Variants in MAD1L1 observed in about 807,000 individuals in gnomAD.
MAD1L1 encodes mitotic arrest deficient 1 like 1, also known as mitotic spindle assembly checkpoint protein MAD1.
MAD1L1 carries 95 observed loss-of-function variants against 96.9 expected under a neutral mutation model. That is an observed-to-expected ratio of 0.98 (90% CI 0.83 to 1.16). MAD1L1 has a LOEUF of 1.16. Ranked by LOEUF, MAD1L1 falls within the 50% of genes most tolerant of loss-of-function variation. MAD1L1 has a pLI of 0.00. For missense variants in MAD1L1, 1,007 were observed against 954.4 expected (o/e 1.06, Z -0.73); for synonymous variants, 473 against 396.6 (o/e 1.19, Z -2.29).
At chr7:1,958,209 C>T (rs1488898751) in intron 15 of MAD1L1, among the ~76,000 whole-genome samples, 1 of 152,220 alleles carries the variant, frequency 6.6e-6, no homozygotes, top group African/African-American at 2.4e-5. Context: ...AGGCACAATT[C>T]AGATGAGAAA....
At chr7:1,873,144 G>C (rs995188462) in intron 18 of MAD1L1, among the ~76,000 whole-genome samples, 1 of 152,228 alleles carries the variant, frequency 6.6e-6, no homozygotes, top group Admixed American at 6.5e-5. Context: ...TTCCAATTCT[G>C]GTGCAGCCTC....
intron 17 of MAD1L1, among the ~76,000 whole-genome samples, chr7:1,935,019 G>A (rs540030038): frequency 8.0e-5 from 12 of 150,708 alleles, no homozygotes; most frequent in East Asian, 1.9e-4. Context: ...ACAAGGGAAC[G>A]AACAGACGGG....
chr7:2,094,807 C>G (rs556577211), intron 11 of MAD1L1, among the ~76,000 whole-genome samples: 2 of 152,042 alleles, frequency 1.3e-5, no homozygotes, highest in Admixed American at 1.3e-4. Context: ...AGACCAAACA[C>G]GGCAAAAGTG....
intron 16 of MAD1L1, among the ~76,000 whole-genome samples, chr7:1,951,265 G>A (rs1483410910): frequency 1.3e-5 from 2 of 152,254 alleles, no homozygotes; most frequent in Non-Finnish European, 2.9e-5. Flanking sequence ...TCAGGCAGCA[G>A]GTGCAGGACC....
At chr7:1,934,152 GGTGGCGCCAT>G (rs1789642599) in intron 17 of MAD1L1, among the ~76,000 whole-genome samples, 1 of 152,184 alleles carries the variant, frequency 6.6e-6, no homozygotes, top group African/African-American at 2.4e-5. Context: ...CTCACCTCCT[GGTGGCGCCAT>G]GTGGCGCGGC....
chr7:2,185,820 C>T (rs937587020), intron 10 of MAD1L1, among the ~76,000 whole-genome samples: 1 of 152,220 alleles, frequency 6.6e-6, no homozygotes, highest in African/African-American at 2.4e-5. Context: ...CATTTGTCAT[C>T]TAAGCCACCG....
At chr7:2,193,135 C>G (rs1396119548) in intron 10 of MAD1L1, 1 of 152,348 alleles carries the variant, frequency 6.6e-6, no homozygotes, top group African/African-American at 2.4e-5. Flanking sequence ...GGCAGGGAGG[C>G]TGGAAACCCT....
chr7:1,928,692 T>C (rs1228444976), intron 17 of MAD1L1, among the ~76,000 whole-genome samples: 2 of 152,196 alleles, frequency 1.3e-5, no homozygotes, highest in African/African-American at 4.8e-5. Flanking sequence ...TGCACGGTGT[T>C]TGTACTGAGC....
In MAD1L1 at chr7:1,874,411, C is replaced by T. The variant is rs1785268950; in HGVS notation, c.1998+23789G>A. On this transcript the variant is annotated intron_variant, in intron 18 of 18. Coordinates refer to ENST00000265854, the MANE Select transcript of MAD1L1 (RefSeq NM_001013836.2). ...ACCGGGACGGGGGTAAGACGGTGGC[C>T]AGGCCGTGACATCGAGGGTAGCACC... 7 of 414,396 alleles carry T rather than the reference C, an allele frequency of 1.7e-5. No homozygotes were observed. In the East Asian group the frequency reaches 3.6e-4, roughly 21 times the overall value. The allele number at this position is 414,396 out of a possible 1,614,324, so 25.7% of individuals were successfully genotyped here.
intron 10 of MAD1L1, among the ~76,000 whole-genome samples, chr7:2,163,863 C>T (rs1214722748): frequency 6.6e-6 from 1 of 152,072 alleles, no homozygotes; most frequent in Non-Finnish European, 1.5e-5. Flanking sequence ...CCAAGAATTA[C>T]TGGGAACAGA....
intron 17 of MAD1L1, among the ~76,000 whole-genome samples, chr7:1,921,322 TTTTTTTTCTTTTTG>T (rs1788781093): frequency 6.6e-6 from 1 of 152,208 alleles, no homozygotes; most frequent in South Asian, 2.1e-4. Context: ...AATTCTTTTT[TTTTTTTTCTTTTTG>T]GAGACAGGGT....
In MAD1L1 at chr7:2,038,498, C is replaced by CTTTTTTTTTTTTT. The variant is rs60466584; in HGVS notation, c.1219-23869_1219-23857dup. Among the ~76,000 whole-genome samples the CTTTTTTTTTTTTT allele has an allele frequency of 3.8e-4, 35 of 92,854 alleles. 5 individuals carry two copies. The highest frequency in any genetic ancestry group is 4.3e-4 in the Admixed American group (3 of 6,960). The allele number at this position is 92,854 out of a possible 152,430, so 60.9% of individuals were successfully genotyped here. A position where few individuals can be genotyped will look rare whatever the true frequency, so the allele number is the denominator to read the frequency against. On this transcript the variant is annotated intron_variant, in intron 12 of 18. Transcript: ENST00000265854. ...TGTTAGGAGATAATGAAGCTGATGA[C>CTTTTTTTTTTTTT]TTTTTTTTTTTTTTTTTTTTTTTTT... is the stretch of plus-strand genomic sequence containing the variant.
rs1781341551 is a variant in MAD1L1, at chr7:1,990,117, C to T, written c.1417-9576G>A. Reference sequence around the variant, plus strand: ...GAGGGCGTCCACATGCGCGTGCACCCGCCGCCTCATCGCCAACTCACGTGG... The same window carrying T: ...GAGGGCGTCCACATGCGCGTGCACCTGCCGCCTCATCGCCAACTCACGTGG... On this transcript the variant is annotated intron_variant, in intron 14 of 18. Transcript: ENST00000265854. Among the ~76,000 whole-genome samples the T allele has an allele frequency of 5.9e-5, 9 of 152,340 alleles. 1 individual carries two copies. In the South Asian group the frequency reaches 1.9e-3, roughly 32 times the overall value.
At chr7:2,024,356 C>T (rs1450983073) in intron 12 of MAD1L1, among the ~76,000 whole-genome samples, 6 of 152,236 alleles carry the variant, frequency 3.9e-5, no homozygotes. Flanking sequence ...ACCCCCAGCT[C>T]CCTTTCTCTT....
At chr7:1,898,140 C>G (rs1031192309) in intron 18 of MAD1L1, 60 bp downstream of exon 18, 12 of 1,520,722 alleles carry the variant, frequency 7.9e-6, no homozygotes, top group Non-Finnish European at 8.9e-6. Context: ...ACGGTCGGAT[C>G]TCCCCACAGG....
chr7:1,899,988 A>G (rs573198067), intron 17 of MAD1L1, among the ~76,000 whole-genome samples: 2 of 152,302 alleles, frequency 1.3e-5, no homozygotes, highest in African/African-American at 4.8e-5. Context: ...CCCATCTCCC[A>G]GGACTTCTGC....
chr7:2,116,329 T>C (rs1433803940), intron 11 of MAD1L1, among the ~76,000 whole-genome samples: 2 of 152,206 alleles, frequency 1.3e-5, no homozygotes, highest in East Asian at 3.9e-4. Flanking sequence ...CTCATATTCC[T>C]GAAGCACCTA....
At chr7:2,003,094 G>A (rs1781877937) in intron 13 of MAD1L1, among the ~76,000 whole-genome samples, 1 of 2,592 alleles carries the variant, frequency 3.9e-4, no homozygotes, top group Admixed American at 9.3e-3. Context: ...GCCAGCCCAG[G>A]AGTGAGGCAG....
intron 18 of MAD1L1, among the ~76,000 whole-genome samples, chr7:1,869,133 C>G (rs756347104): frequency 6.6e-6 from 1 of 152,154 alleles, no homozygotes; most frequent in Non-Finnish European, 1.5e-5. Flanking sequence ...TGCCCAGGCA[C>G]CATCGCCCGC....
Sources: allele counts gnomAD v4.1 joint callset (sites outside exome capture counted in the v4.1 genomes callset), GRCh38; gene constraint gnomAD v4.1.1; transcripts MANE v1.5; gene names NCBI Gene and HGNC (gene_info 2026-07-23, HGNC 2026-07-21).